Variants in RFX3 observed in about 807,000 individuals in gnomAD.
The protein encoded by RFX3 is regulatory factor X3, also known as transcription factor RFX3.
In RFX3, 14 loss-of-function variants were observed where a neutral mutation model predicts 98.6. The ratio of observed to expected loss-of-function variants is 0.14; its 90% CI spans 0.09 to 0.22. The LOEUF is 0.22. Among genes scored for constraint, RFX3 ranks in the 10% least tolerant of loss-of-function variants. The probability of loss-of-function intolerance (pLI) is 1.00; values close to 1 mark genes in which losing one functional copy is unlikely to be tolerated. For missense variants in RFX3, 639 were observed against 926.9 expected (o/e 0.69, Z 4.03); for synonymous variants, 383 against 328.4 (o/e 1.17, Z -1.80).
chr9:3,373,656 T>C (rs1407487160), intron 2 of RFX3, among the ~76,000 whole-genome samples: 1 of 152,174 alleles, frequency 6.6e-6, no homozygotes, highest in Non-Finnish European at 1.5e-5. Flanking sequence ...TTCCCAGTTC[T>C]GTGAAGTTCT....
At chr9:3,378,629 T>C (rs2131661424) in intron 2 of RFX3, among the ~76,000 whole-genome samples, 1 of 149,974 alleles carries the variant, frequency 6.7e-6, no homozygotes, top group South Asian at 2.1e-4. Flanking sequence ...CAATCTTGGC[T>C]CACTGCAACC....
At chr9:3,299,919 T>C (rs1828440799) in intron 5 of RFX3, among the ~76,000 whole-genome samples, 1 of 151,666 alleles carries the variant, frequency 6.6e-6, no homozygotes, top group Non-Finnish European at 1.5e-5. Context: ...TACTAAGTTA[T>C]TCATGTCAAG....
chr9:3,278,138 T>C (rs1446878665), intron 7 of RFX3, among the ~76,000 whole-genome samples: 2 of 151,916 alleles, frequency 1.3e-5, no homozygotes, highest in Non-Finnish European at 2.9e-5. Context: ...CAAACTTATG[T>C]ATTTTCCATA....
At chr9:3,387,011 G>A (rs1839797372) in intron 2 of RFX3, among the ~76,000 whole-genome samples, 1 of 152,106 alleles carries the variant, frequency 6.6e-6, no homozygotes, top group South Asian at 2.1e-4. Flanking sequence ...CCTCTCCCCA[G>A]TCACCTTCAC....
intron 11 of RFX3, among the ~76,000 whole-genome samples, chr9:3,267,342 G>A (rs984100632): frequency 1.3e-5 from 2 of 151,828 alleles, no homozygotes. Flanking sequence ...TATATTTTGG[G>A]CCGAGGTCCC....
chr9:3,360,541 A>T (rs1836298035), intron 2 of RFX3, among the ~76,000 whole-genome samples: 1 of 152,116 alleles, frequency 6.6e-6, no homozygotes, highest in African/African-American at 2.4e-5. Context: ...CCCCAAATAT[A>T]AATATATGCA....
intron 4 of RFX3, among the ~76,000 whole-genome samples, chr9:3,310,939 A>C (rs1024037272): frequency 3.3e-5 from 5 of 152,206 alleles, no homozygotes; most frequent in African/African-American, 1.2e-4. Flanking sequence ...TTCTAACTGG[A>C]AAAATTTAAA....
At chr9:3,385,337 G>A (rs916403316) in intron 2 of RFX3, among the ~76,000 whole-genome samples, 2 of 152,106 alleles carry the variant, frequency 1.3e-5, no homozygotes, top group Non-Finnish European at 2.9e-5. Context: ...GAAAGAAATT[G>A]TATGTCTCTA....
At chr9:3,438,491 A>C (rs936269416) in intron 1 of RFX3, among the ~76,000 whole-genome samples, 8 of 152,066 alleles carry the variant, frequency 5.3e-5, no homozygotes, top group African/African-American at 1.9e-4. Context: ...GATGGGACAA[A>C]GAAAGAACAA....
intron 2 of RFX3, among the ~76,000 whole-genome samples, chr9:3,356,631 G>A (rs139937858): frequency 4.5e-4 from 69 of 151,852 alleles, no homozygotes; most frequent in African/African-American, 1.6e-3. Context: ...GTTTTTATGA[G>A]GCTAGCCTAA....
chr9:3,477,207 T>C lies in RFX3; in HGVS notation c.-9+48540A>G, dbSNP rs549306887. Among the ~76,000 whole-genome samples, 26 of 152,332 alleles carry C rather than the reference T, an allele frequency of 1.7e-4. No individual in the cohort carries two copies. In the South Asian group the frequency reaches 2.7e-3, roughly 16 times the overall value. On this transcript the variant is annotated intron_variant, in intron 1 of 16. Coordinates refer to ENST00000617270, the MANE Select transcript of RFX3 (RefSeq NM_001282116.2). Reference sequence around the variant, plus strand: ...ATACAAAAGACATGGATTTAGAGCCTATCCCTAACAAAAACTTCAATCTAT... The same window carrying C: ...ATACAAAAGACATGGATTTAGAGCCCATCCCTAACAAAAACTTCAATCTAT...
intron 1 of RFX3, among the ~76,000 whole-genome samples, chr9:3,495,301 T>C (rs1851025544): frequency 1.3e-5 from 2 of 152,142 alleles, no homozygotes; most frequent in African/African-American, 2.4e-5. Context: ...CAATTAAGCA[T>C]AAAAGGTAAA....
At chr9:3,428,894 G>T (rs543010557) in intron 1 of RFX3, among the ~76,000 whole-genome samples, 85 of 152,118 alleles carry the variant, frequency 5.6e-4, no homozygotes, top group Admixed American at 1.6e-3. Context: ...TCAAACAAAT[G>T]CTTAGAGATA....
At chr9:3,507,301 G>C (rs1215854998) in intron 1 of RFX3, among the ~76,000 whole-genome samples, 1 of 151,870 alleles carries the variant, frequency 6.6e-6, no homozygotes, top group Admixed American at 6.6e-5. Flanking sequence ...AATAAAGGAT[G>C]AGAACTAAGT....
In RFX3 at chr9:3,505,451, A is replaced by AAAATAAAATACTTTATATTTATAC. The variant is rs1564187575; in HGVS notation, c.-9+20295_-9+20296insGTATAAATATAAAGTATTTTATTT. Among the ~76,000 whole-genome samples, 19 of 24,716 alleles carry AAAATAAAATACTTTATATTTATAC rather than the reference A, an allele frequency of 7.7e-4. 2 individuals carry two copies. Among genetic ancestry groups the AAAATAAAATACTTTATATTTATAC allele is most frequent in the African/African-American group, 1.6e-3 (17 of 10,562 alleles). The allele number at this position is 24,716 out of a possible 152,430, so 16.2% of individuals were successfully genotyped here. A position where few individuals can be genotyped will look rare whatever the true frequency, so the allele number is the denominator to read the frequency against. On this transcript the variant is annotated intron_variant, in intron 1 of 16. Coordinates refer to ENST00000617270, the MANE Select transcript of RFX3 (RefSeq NM_001282116.2). ...AAAATAAAATATTTTATATTTATAT[A>AAAATAAAATACTTTATATTTATAC]AAATATAAAATAAAATATTTTATAT...
chr9:3,302,809 A>C lies in RFX3; in HGVS notation c.475-1189T>G, dbSNP rs561956050. Reference sequence around the variant, plus strand: ...TTTATGGTAAAACACTTTATACACAAAATACTCAGTATCAATTATACCAAC... The same window carrying C: ...TTTATGGTAAAACACTTTATACACACAATACTCAGTATCAATTATACCAAC... On this transcript the variant is annotated intron_variant, in intron 4 of 16. Transcript: ENST00000617270. 7.9e-5 allele frequency among the ~76,000 whole-genome samples: 12 copies of C among 151,882 alleles called. No homozygotes were observed. In the South Asian group the frequency reaches 2.3e-3, roughly 29 times the overall value.
intron 1 of RFX3, among the ~76,000 whole-genome samples, chr9:3,428,559 C>G (rs1844336719): frequency 6.6e-6 from 1 of 152,136 alleles, no homozygotes; most frequent in African/African-American, 2.4e-5. Flanking sequence ...ATAACCCTTA[C>G]TTTGCTTATT....
chr9:3,249,395 C>T (rs1821093918), intron 14 of RFX3, among the ~76,000 whole-genome samples: 1 of 151,998 alleles, frequency 6.6e-6, no homozygotes, highest in Non-Finnish European at 1.5e-5. Context: ...ACATCATTTC[C>T]CCGAGATGTT....
intron 2 of RFX3, among the ~76,000 whole-genome samples, chr9:3,386,022 C>T (rs1159461131): frequency 1.3e-5 from 2 of 152,102 alleles, no homozygotes; most frequent in East Asian, 1.9e-4. Flanking sequence ...TGAAAGACAC[C>T]ACCACCACCT....
Sources: gnomAD v4.1 joint callset for allele counts (sites outside exome capture counted in the v4.1 genomes callset) on GRCh38, gnomAD v4.1.1 for gene constraint, MANE v1.5 for transcripts, NCBI Gene and HGNC (gene_info 2026-07-23, HGNC 2026-07-21) for gene names.